ETS1: variants seen among roughly 807,000 people sequenced by gnomAD.
ETS1 encodes ETS proto-oncogene 1, transcription factor, also known as protein C-ets-1.
In ETS1, 15 loss-of-function variants were observed where a neutral mutation model predicts 58.6. The observed-to-expected ratio is 0.26, with a 90% CI of 0.17 to 0.39. The LOEUF (loss-of-function observed/expected upper bound fraction) is 0.39. ETS1 is among the 10% of genes least tolerant of loss of function. ETS1 has a pLI of 1.00. For missense variants in ETS1, 417 were observed against 610.5 expected (o/e 0.68, Z 3.34); for synonymous variants, 214 against 218.2 (o/e 0.98, Z 0.17).
At chr11:128,505,691 G>A (rs1002827551) in intron 3 of ETS1, among the ~76,000 whole-genome samples, 1 of 152,214 alleles carries the variant, frequency 6.6e-6, no homozygotes, top group African/African-American at 2.4e-5. Flanking sequence ...CAACCAATGG[G>A]TGGCGAGCAG....
Position 128,556,277 on chromosome 11 carries a change from G to T in ETS1, c.214+14C>A, listed in dbSNP as rs1486809818. The T allele has an allele frequency of 4.4e-6, 7 of 1,596,008 alleles. No individual in the cohort carries two copies. Among genetic ancestry groups the T allele is most frequent in the Non-Finnish European group, 5.1e-6 (6 of 1,173,438 alleles). On this transcript the variant is annotated intron_variant, in intron 3 of 9. Transcript: ENST00000392668. The stretch of plus-strand genomic sequence containing the variant: ...AACTCTATCCTCATTCCCAGCTTTT[G>T]TTTATGTTCCTACCTGAGACACAGT...
chr11:128,545,082 C>T (rs1353331492), intron 3 of ETS1, among the ~76,000 whole-genome samples: 1 of 152,056 alleles, frequency 6.6e-6, no homozygotes, highest in Admixed American at 6.6e-5. Flanking sequence ...GGTAAGCAAA[C>T]CCTCTAGACC....
chr11:128,554,273 C>A (rs1033821082), intron 3 of ETS1, among the ~76,000 whole-genome samples: 2 of 152,146 alleles, frequency 1.3e-5, no homozygotes, highest in African/African-American at 2.4e-5. Flanking sequence ...CTGGTAGAGG[C>A]CACACCCCGA....
At chr11:128,475,556 C>CT (rs35049593) in intron 8 of ETS1, among the ~76,000 whole-genome samples, 29,796 of 109,218 alleles carry the variant, frequency 0.27, 5,338 homozygotes, top group Middle Eastern at 0.39. Context: ...ATGCACAGGG[C>CT]TTTTTTTTTT....
intron 2 of ETS1, among the ~76,000 whole-genome samples, chr11:128,558,649 C>CAAAAAAAAAAAAAAAAAAAAA (rs201114905): frequency 9.7e-6 from 1 of 103,442 alleles, no homozygotes; most frequent in African/African-American, 3.5e-5. Context: ...ATATCCATCC[C>CAAAAAAAAAAAAAAAAAAAAA]AAAAAAAAAA....
chr11:128,557,701 C>A (rs1161587703), intron 2 of ETS1, among the ~76,000 whole-genome samples: 1 of 152,144 alleles, frequency 6.6e-6, no homozygotes. Flanking sequence ...TGGGTCCCTG[C>A]ACCTTCATAA....
chr11:128,480,310 T>C lies in ETS1; in HGVS notation c.1004A>G (p.Tyr335Cys). The change falls in exon 8 of 10, where the codon TAT (tyrosine) becomes TGT (cysteine). Residue 335 changes from tyrosine to cysteine, a missense_variant. Physicochemically the swap from Tyr to Cys is radical, Grantham distance 194 (BLOSUM62 -2). This residue lies in a region of ETS1 where 139 missense variants were observed against 152.1 expected (regional missense o/e 0.91). Coordinates refer to ENST00000392668, the MANE Select transcript of ETS1 (RefSeq NM_001143820.2). ...PSYDSFDSEDYPAALPNHKPK... is the reference protein window; with the variant it reads ...PSYDSFDSEDCPAALPNHKPK... ...CTTGTGGTTGGGCAGGGCAGCCGGA[T>C]AGTCCTCTGAGTCGAAGCTGTCATA... 3 of 1,614,114 alleles carry C rather than the reference T, an allele frequency of 1.9e-6. No homozygotes were observed. Among genetic ancestry groups the C allele is most frequent in the South Asian group, 2.2e-5 (2 of 91,082 alleles).
intron 8 of ETS1, among the ~76,000 whole-genome samples, chr11:128,475,288 T>G (rs1403147456): frequency 6.6e-6 from 1 of 152,262 alleles, no homozygotes; most frequent in Non-Finnish European, 1.5e-5. Flanking sequence ...CTGCCAAATC[T>G]CAGGTTTCAT....
At chr11:128,502,451 T>C (rs952817239) in intron 3 of ETS1, among the ~76,000 whole-genome samples, 6 of 152,234 alleles carry the variant, frequency 3.9e-5, no homozygotes, top group African/African-American at 1.2e-4. Context: ...GTCAACTCTA[T>C]GGTTTCTGAA....
At chr11:128,523,796 C>G (rs1863747767) in intron 3 of ETS1, among the ~76,000 whole-genome samples, 1 of 152,172 alleles carries the variant, frequency 6.6e-6, no homozygotes, top group Non-Finnish European at 1.5e-5. Flanking sequence ...AGCTGTGTTT[C>G]CACAAGGTAT....
intron 3 of ETS1, among the ~76,000 whole-genome samples, chr11:128,498,992 A>G (rs1050312792): frequency 6.6e-6 from 1 of 152,218 alleles, no homozygotes; most frequent in Non-Finnish European, 1.5e-5. Context: ...ACTCAGGAGG[A>G]AAGAATGAGT....
At chr11:128,509,675 C>G (rs774782113) in intron 3 of ETS1, among the ~76,000 whole-genome samples, 2 of 151,102 alleles carry the variant, frequency 1.3e-5, no homozygotes, top group Non-Finnish European at 2.9e-5. Flanking sequence ...GAGAACACAT[C>G]ACACAGAAGA....
intron 8 of ETS1, among the ~76,000 whole-genome samples, chr11:128,476,807 G>A (rs1009110348): frequency 9.9e-5 from 15 of 152,238 alleles, no homozygotes; most frequent in Admixed American, 2.6e-4. Context: ...TTTGATAACC[G>A]TAAACAGTTC....
chr11:128,585,008 A>AAAGG (rs1565420911), intron 1 of ETS1, among the ~76,000 whole-genome samples: 3 of 31,920 alleles, frequency 9.4e-5, no homozygotes, highest in Non-Finnish European at 1.0e-4. Context: ...GGAAGGAAAG[A>AAAGG]AAGGAAAGAA....
At chr11:128,475,553 G>C (rs796634238) in intron 8 of ETS1, among the ~76,000 whole-genome samples, 14 of 135,200 alleles carry the variant, frequency 1.0e-4, no homozygotes, top group African/African-American at 3.6e-4. Flanking sequence ...AGAATGCACA[G>C]GGCTTTTTTT....
Position 128,556,441 on chromosome 11 carries a change from C to G in ETS1, c.70-6G>C, listed in dbSNP as rs907232308. The stretch of plus-strand genomic sequence containing the variant: ...GTGTTGCTAGGTCCTTGCCTCTGTG[C>G]AAGAAAAAATAGAAGAAAATATATT... On this transcript the variant is annotated splice_region_variant and splice_polypyrimidine_tract_variant and intron_variant, in intron 2 of 9. Coordinates refer to ENST00000392668, the MANE Select transcript of ETS1 (RefSeq NM_001143820.2). 26 of 1,578,424 alleles carry G rather than the reference C, an allele frequency of 1.6e-5. No individual in the cohort carries two copies. The highest frequency in any genetic ancestry group is 5.5e-5 in the African/African-American group (4 of 72,964).
At chr11:128,517,266 A>G (rs1045489249) in intron 3 of ETS1, among the ~76,000 whole-genome samples, 3 of 152,188 alleles carry the variant, frequency 2.0e-5, no homozygotes, top group African/African-American at 7.2e-5. Flanking sequence ...ACCGACCAGC[A>G]TTGCCTTCTC....
intron 3 of ETS1, 91 bp downstream of exon 3, chr11:128,556,200 G>A (rs1864309658): frequency 1.8e-6 from 2 of 1,124,112 alleles, no homozygotes; most frequent in Non-Finnish European, 2.5e-6. Flanking sequence ...CATAAGCCAT[G>A]GCAGCTGTTA....
At position 128,484,736 on chromosome 11, in the gene ETS1, GA is replaced by G. The variant is rs931839918; in HGVS notation, c.862+86del. 1,593 of 1,169,064 alleles carry G rather than the reference GA, an allele frequency of 1.4e-3. 4 individuals are homozygous for G. Among genetic ancestry groups the G allele is most frequent in the South Asian group, 3.3e-3 (204 of 61,284 alleles). The allele number at this position is 1,169,064 out of a possible 1,614,324, so 72.4% of individuals were successfully genotyped here. On this transcript the variant is annotated intron_variant, in intron 7 of 9. Transcript: ENST00000392668. ...AGGAATCTACAGGTCTAATAAATAA[GA>G]AAAAAAAAATGGAACCTGAAAAAAA...
Sources: gnomAD v4.1 joint callset for allele counts (sites outside exome capture counted in the v4.1 genomes callset) on GRCh38, gnomAD v4.1.1 for gene constraint, gnomAD v4.1.1 regional missense constraint, MANE v1.5 for transcripts, NCBI Gene and HGNC (gene_info 2026-07-23, HGNC 2026-07-21) for gene names.